The following SMG1 variants were observed in gnomAD, a reference collection of about 807,000 sequenced individuals.
SMG1 encodes serine/threonine-protein kinase SMG1.
SMG1 carries 22 observed loss-of-function variants against 419.9 expected under a neutral mutation model. That is an observed-to-expected ratio of 0.05 (90% CI 0.04 to 0.07). The LOEUF is 0.07. Among genes scored for constraint, SMG1 ranks in the 10% least tolerant of loss-of-function variants. The pLI, the probability that SMG1 is intolerant of heterozygous loss-of-function variation, is 1.00. For missense variants in SMG1, 3,185 were observed against 4,342.0 expected (o/e 0.73, Z 7.49); for synonymous variants, 1,538 against 1,553.5 (o/e 0.99, Z 0.23).
Position 18,804,904 on chromosome 16 carries a change from T to C in SMG1, c.*4665A>G, listed in dbSNP as rs1281898091. 3.3e-5 allele frequency: 5 copies of C among 152,690 alleles called. No individual in the cohort carries two copies. The highest frequency in any genetic ancestry group is 2.1e-4 in the South Asian group (1 of 4,836). 9.5% of individuals were successfully genotyped at this position (152,690 alleles called of 1,614,324 possible). A position where few individuals can be genotyped will look rare whatever the true frequency, so the allele number is the denominator to read the frequency against. On this transcript the variant is annotated 3_prime_UTR_variant, in exon 63 of 63. Transcript: ENST00000446231. ...TATTTTCTGAAAAACAGGTATTTCATACAATCTTTGCCATGTTAATGCAAA... is the reference window on the plus strand; with the variant it reads ...TATTTTCTGAAAAACAGGTATTTCACACAATCTTTGCCATGTTAATGCAAA...
At chr16:18,880,941 G>A (rs561875002) in intron 10 of SMG1, among the ~76,000 whole-genome samples, 4 of 148,354 alleles carry the variant, frequency 2.7e-5, no homozygotes, top group South Asian at 4.3e-4. Context: ...GCACTGAGTC[G>A]TGATGGCACC....
chr16:18,848,488 C>T (rs2606542), intron 36 of SMG1, among the ~76,000 whole-genome samples: 27,916 of 151,646 alleles, frequency 0.18, 2,653 homozygotes, highest in Middle Eastern at 0.25. Flanking sequence ...GCTAATTTAA[C>T]AGAAACAGGG....
At chr16:18,830,188 G>T in intron 52 of SMG1, 31 bp downstream of exon 52, 1 of 1,611,872 alleles carries the variant, frequency 6.2e-7, no homozygotes, top group Non-Finnish European at 8.5e-7. Context: ...TATGGCACTT[G>T]CATTATTTTT....
At chr16:18,852,031 G>A in intron 33 of SMG1, 36 bp downstream of exon 33, 2 of 1,561,514 alleles carry the variant, frequency 1.3e-6, no homozygotes, top group Non-Finnish European at 1.7e-6. Context: ...ATGATTTGGA[G>A]TAGCAATCTT....
intron 25 of SMG1, chr16:18,861,380 A>C (rs971086352): frequency 6.6e-6 from 1 of 152,116 alleles, no homozygotes; most frequent in Non-Finnish European, 1.5e-5. Context: ...CCAGGAAGAC[A>C]GGCCTCATCC....
At chr16:18,880,983 A>G (rs1390647595) in intron 10 of SMG1, among the ~76,000 whole-genome samples, 1 of 147,066 alleles carries the variant, frequency 6.8e-6, no homozygotes, top group Non-Finnish European at 1.5e-5. Context: ...AAAAAAAAAA[A>G]GCTGGGTATG....
At chr16:18,872,437 C>A (rs1238934268) in intron 14 of SMG1, 57 bp downstream of exon 14, 24 of 1,480,884 alleles carry the variant, frequency 1.6e-5, no homozygotes, top group African/African-American at 7.5e-5. Context: ...TAAAATCTAT[C>A]CATTAAAAAA....
chr16:18,873,437 G>T (rs1057130502), intron 13 of SMG1, among the ~76,000 whole-genome samples: 3 of 152,146 alleles, frequency 2.0e-5, no homozygotes, highest in African/African-American at 7.2e-5. Context: ...GGCCAGGCTG[G>T]TCTTGAACTC....
At chr16:18,870,204 G>C (rs1300313340) in intron 18 of SMG1, among the ~76,000 whole-genome samples, 26 of 152,130 alleles carry the variant, frequency 1.7e-4, no homozygotes, top group Admixed American at 1.7e-3. Flanking sequence ...AAGAGGATTT[G>C]AGGGAGGCAT....
At chr16:18,880,800 G>A (rs1396933055) in intron 10 of SMG1, among the ~76,000 whole-genome samples, 1 of 151,506 alleles carries the variant, frequency 6.6e-6, no homozygotes, top group Non-Finnish European at 1.5e-5. Context: ...TTGGGAGGCT[G>A]AGGTGGGAAG....
At chr16:18,872,415 A>G (rs2035870735) in intron 14 of SMG1, 70 bp from the exon 15 acceptor site, 3 of 1,481,252 alleles carry the variant, frequency 2.0e-6, no homozygotes, top group Admixed American at 2.6e-5. Flanking sequence ...AAGTTAAATC[A>G]ACATACATCT....
At chr16:18,914,352 A>G (rs1355879650) in intron 1 of SMG1, among the ~76,000 whole-genome samples, 1 of 152,100 alleles carries the variant, frequency 6.6e-6, no homozygotes, top group Non-Finnish European at 1.5e-5. Context: ...GAAAATTAAT[A>G]TGAAAGAAGT....
chr16:18,907,612 G>C (rs1254215363), intron 1 of SMG1, among the ~76,000 whole-genome samples: 1 of 151,998 alleles, frequency 6.6e-6, no homozygotes, highest in Non-Finnish European at 1.5e-5. Flanking sequence ...CACTTTGGGA[G>C]GCCGAGGCGG....
At chr16:18,878,482 T>C (rs901746995) in intron 11 of SMG1, 5 of 151,630 alleles carry the variant, frequency 3.3e-5, no homozygotes, top group African/African-American at 1.2e-4. Flanking sequence ...GTGGCATGCA[T>C]CTGTAGTCCC....
rs2035079843 is a variant in SMG1, at chr16:18,859,200, T to C, written c.3954-19A>G. On this transcript the variant is annotated intron_variant, in intron 27 of 62. Transcript: ENST00000446231. ...CACATTTCTGAAACAAAATATTTAC[T>C]GCCAATTAATAAAAATTACAATTCA... 3 of 1,524,652 alleles carry C rather than the reference T, an allele frequency of 2.0e-6. No individual in the cohort carries two copies. The allele number at this position is 1,524,652 out of a possible 1,614,324, so 94.4% of individuals were successfully genotyped here.
In SMG1 at chr16:18,890,298, A is replaced by G. The variant is rs188952073; in HGVS notation, c.608+565T>C. 6.3e-3 allele frequency among the ~76,000 whole-genome samples: 955 copies of G among 152,340 alleles called. 5 individuals carry two copies. The highest frequency in any genetic ancestry group is 7.5e-3 in the Non-Finnish European group (513 of 68,032). ...CTGCATCAAGAGTTTATGCCATTCC[A>G]TAAGTCAAGACTCGGTTATCCAGTG... On this transcript the variant is annotated intron_variant, in intron 5 of 62. Coordinates refer to ENST00000446231, the MANE Select transcript of SMG1 (RefSeq NM_015092.5).
At chr16:18,889,876 T>C (rs1249879789) in intron 5 of SMG1, among the ~76,000 whole-genome samples, 1 of 152,142 alleles carries the variant, frequency 6.6e-6, no homozygotes, top group Non-Finnish European at 1.5e-5. Flanking sequence ...TAAATAACTC[T>C]CAGAAAAGGG....
intron 60 of SMG1, among the ~76,000 whole-genome samples, chr16:18,812,424 G>C (rs1341245883): frequency 6.6e-6 from 1 of 152,032 alleles, no homozygotes; most frequent in Non-Finnish European, 1.5e-5. Flanking sequence ...GGCTGAAGTG[G>C]GCGGATCAGT....
intron 1 of SMG1, among the ~76,000 whole-genome samples, chr16:18,921,893 G>T (rs1406955471): frequency 6.6e-6 from 1 of 152,142 alleles, no homozygotes; most frequent in Non-Finnish European, 1.5e-5. Flanking sequence ...AAAATTGGAA[G>T]GTCTTTTTAT....
Sources: allele counts gnomAD v4.1 joint callset (sites outside exome capture counted in the v4.1 genomes callset), GRCh38; gene constraint gnomAD v4.1.1; transcripts MANE v1.5; gene names NCBI Gene and HGNC (gene_info 2026-07-23, HGNC 2026-07-21).